The following SYCP2L variants were observed in gnomAD, a reference collection of about 807,000 sequenced individuals.
SYCP2L encodes synaptonemal complex protein 2 like.
A neutral mutation model predicts 125.8 loss-of-function variants in SYCP2L; 98 were observed. The observed-to-expected ratio is 0.78, with a 90% CI of 0.66 to 0.92. SYCP2L has a LOEUF of 0.92. Among genes scored for constraint, SYCP2L ranks in the 40% least tolerant of loss-of-function variants. The pLI is 0.00. For missense variants in SYCP2L, 842 were observed against 936.4 expected, an observed-to-expected ratio of 0.90 and a Z score of 1.32; for synonymous variants, 317 against 325.4, an observed-to-expected ratio of 0.97 and a Z score of 0.28.
chr6:10,943,667 T>G (rs1039308718), intron 23 of SYCP2L, among the ~76,000 whole-genome samples: 5 of 152,354 alleles, frequency 3.3e-5, no homozygotes, highest in African/African-American at 1.2e-4. Flanking sequence ...TATTAATTTC[T>G]TTCATCCCTC....
At position 10,910,132 on chromosome 6, in the gene SYCP2L, A is replaced by G. The variant is rs747729832; in HGVS notation, c.820-16A>G. ...TGATTTTTTTTTAATAAAAGTTTAT[A>G]TCATTTGCTTTGAAGGACAGTAGAC... On this transcript the variant is annotated splice_polypyrimidine_tract_variant and intron_variant, in intron 10 of 29. Transcript: ENST00000283141. 2.3e-5 allele frequency: 37 copies of G among 1,609,772 alleles called. No individual in the cohort carries two copies. The highest frequency in any genetic ancestry group is 3.0e-5 in the Non-Finnish European group (35 of 1,177,214).
chr6:10,901,950 A>G (rs949674419), intron 6 of SYCP2L, among the ~76,000 whole-genome samples: 1 of 152,196 alleles, frequency 6.6e-6, no homozygotes, highest in African/African-American at 2.4e-5. Flanking sequence ...TGCAACCAGA[A>G]CTTTGTGCTT....
chr6:10,925,493 C>T (rs1780881539), intron 15 of SYCP2L, among the ~76,000 whole-genome samples: 1 of 152,122 alleles, frequency 6.6e-6, no homozygotes, highest in South Asian at 2.1e-4. Context: ...AAACAGGAAA[C>T]CTTTCTGTAT....
At chr6:10,964,852 G>C (rs1376732380) in intron 29 of SYCP2L, among the ~76,000 whole-genome samples, 1 of 152,168 alleles carries the variant, frequency 6.6e-6, no homozygotes, top group African/African-American at 2.4e-5. Flanking sequence ...CATTTAAGAT[G>C]AGGTTTCAAG....
At chr6:10,936,426 G>A (rs888963084) in intron 21 of SYCP2L, among the ~76,000 whole-genome samples, 3 of 152,022 alleles carry the variant, frequency 2.0e-5, no homozygotes, top group African/African-American at 7.2e-5. Context: ...GAACCGGGAG[G>A]CAGAGGTTGC....
At chr6:10,928,946 T>A (rs1224597729) in intron 18 of SYCP2L, among the ~76,000 whole-genome samples, 1 of 151,388 alleles carries the variant, frequency 6.6e-6, no homozygotes, top group African/African-American at 2.4e-5. Context: ...TGAGTTTCGC[T>A]AATGGCACAA....
At position 10,954,743 on chromosome 6, in the gene SYCP2L, C is replaced by G. The variant is rs990634727; in HGVS notation, c.1955-373C>G. On this transcript the variant is annotated intron_variant, in intron 23 of 29. Transcript: ENST00000283141. The surrounding 1 kb of genome is among the most constrained non-coding windows in gnomAD (Gnocchi z 4.8). Reference sequence around the variant, plus strand: ...GCGCGCTCCGGGGTGTGAGCTGAAGCACTTCCAAAGGCCCATCTGCCTGGA... The same window carrying G: ...GCGCGCTCCGGGGTGTGAGCTGAAGGACTTCCAAAGGCCCATCTGCCTGGA... Among the ~76,000 whole-genome samples the G allele has an allele frequency of 1.3e-5, 2 of 152,200 alleles. No individual in the cohort carries two copies. Among genetic ancestry groups the G allele is most frequent in the African/African-American group, 4.8e-5 (2 of 41,452 alleles).
At chr6:10,900,688 A>G (rs1325984154) in intron 6 of SYCP2L, among the ~76,000 whole-genome samples, 3 of 152,184 alleles carry the variant, frequency 2.0e-5, no homozygotes, top group Non-Finnish European at 4.4e-5. Flanking sequence ...TCATCCCATC[A>G]TGAGGATCCC....
intron 25 of SYCP2L, among the ~76,000 whole-genome samples, chr6:10,957,959 T>C (rs1413379322): frequency 6.6e-6 from 1 of 152,198 alleles, no homozygotes; most frequent in Non-Finnish European, 1.5e-5. Context: ...ATTGGAACCA[T>C]TTCAGTCTTT....
At chr6:10,914,758 TTGGAGA>T (rs1780663245) in intron 14 of SYCP2L, among the ~76,000 whole-genome samples, 1 of 109,950 alleles carries the variant, frequency 9.1e-6, no homozygotes, top group Non-Finnish European at 2.0e-5. Flanking sequence ...TTTTTTTTTT[TTGGAGA>T]TGGAGTCTTA....
At chr6:10,924,232 A>G (rs1001003816) in intron 14 of SYCP2L, among the ~76,000 whole-genome samples, 3 of 152,226 alleles carry the variant, frequency 2.0e-5, no homozygotes, top group Non-Finnish European at 4.4e-5. Flanking sequence ...AGACAAAACT[A>G]TCTTCATTTC....
intron 14 of SYCP2L, among the ~76,000 whole-genome samples, chr6:10,919,180 T>C (rs139617905): frequency 0.021 from 3,254 of 152,282 alleles, 131 homozygotes; most frequent in African/African-American, 0.074. Flanking sequence ...GTTGGTTTTC[T>C]GGTTCTTTCT....
chr6:10,945,400 G>A (rs1244107502), intron 23 of SYCP2L, among the ~76,000 whole-genome samples: 1 of 151,952 alleles, frequency 6.6e-6, no homozygotes, highest in Non-Finnish European at 1.5e-5. Context: ...AAAAACTTTC[G>A]CTATGATTGT....
chr6:10,927,791 C>T (rs544584986), intron 17 of SYCP2L, among the ~76,000 whole-genome samples: 69 of 152,194 alleles, frequency 4.5e-4, no homozygotes, highest in East Asian at 2.1e-3. Context: ...AGCCTGGGAG[C>T]GCTATGGGAG....
chr6:10,967,334 C>G (rs1344758638), intron 29 of SYCP2L, among the ~76,000 whole-genome samples: 2 of 152,002 alleles, frequency 1.3e-5, no homozygotes, highest in African/African-American at 4.8e-5. Context: ...GATACCAAAA[C>G]AGGACAAGGA....
At chr6:10,937,121 C>T (rs1442663009) in intron 21 of SYCP2L, among the ~76,000 whole-genome samples, 6 of 152,192 alleles carry the variant, frequency 3.9e-5, no homozygotes, top group Admixed American at 6.5e-5. Context: ...TTCCATCTAA[C>T]AGCAGTGGAA....
At chr6:10,897,838 A>T (rs913785872) in intron 4 of SYCP2L, among the ~76,000 whole-genome samples, 173 bp from the exon 5 acceptor site, 4 of 152,150 alleles carry the variant, frequency 2.6e-5, no homozygotes, top group Admixed American at 6.6e-5. Flanking sequence ...GTAGTATGGC[A>T]CCATCCTGAA....
In SYCP2L at chr6:10,917,309, T is replaced by C. The variant is rs1780710401; in HGVS notation, c.1072+4382T>C. 2.0e-5 allele frequency among the ~76,000 whole-genome samples: 3 copies of C among 152,376 alleles called. No homozygotes were observed. In the South Asian group the frequency reaches 6.2e-4, roughly 32 times the overall value. On this transcript the variant is annotated intron_variant, in intron 14 of 29. Coordinates refer to ENST00000283141, the MANE Select transcript of SYCP2L (RefSeq NM_001040274.3). The stretch of plus-strand genomic sequence containing the variant: ...TTCTTAAGTCTATTAGTAATTGTTT[T>C]ATAAATTTTGGAACTCCAGTGTTAG...
At chr6:10,890,058 G>T (rs1053084286) in intron 1 of SYCP2L, among the ~76,000 whole-genome samples, 3 of 152,176 alleles carry the variant, frequency 2.0e-5, no homozygotes, top group African/African-American at 7.2e-5. Context: ...CTTTTTTCTG[G>T]CTGAAAAGTA....
Sources: gnomAD v4.1 joint callset for allele counts (sites outside exome capture counted in the v4.1 genomes callset) on GRCh38, gnomAD v4.1.1 for gene constraint, Gnocchi (gnomAD v3.1) non-coding constraint, MANE v1.5 for transcripts, NCBI Gene and HGNC (gene_info 2026-07-23, HGNC 2026-07-21) for gene names.